CCSER2: variants seen among roughly 807,000 people sequenced by gnomAD.
The protein encoded by CCSER2 is coiled-coil serine rich protein 2.
CCSER2 carries 46 observed loss-of-function variants against 92.3 expected under a neutral mutation model. That is an observed-to-expected ratio of 0.50 (90% CI 0.39 to 0.64). CCSER2 has a LOEUF of 0.64. Among genes scored for constraint, CCSER2 ranks in the 30% least tolerant of loss-of-function variants. CCSER2 has a pLI of 0.00. For missense variants in CCSER2, 1,244 were observed against 1,238.9 expected (o/e 1.00, Z -0.06); for synonymous variants, 433 against 431.4 (o/e 1.00, Z -0.04).
intron 8 of CCSER2, among the ~76,000 whole-genome samples, chr10:84,474,608 C>G (rs1052765358): frequency 6.8e-6 from 1 of 146,796 alleles, no homozygotes; most frequent in Non-Finnish European, 1.5e-5. Context: ...TTGCAGTGAG[C>G]CAAGATCGCG....
At chr10:84,495,029 C>A (rs1371525591) in intron 9 of CCSER2, among the ~76,000 whole-genome samples, 3 of 138,558 alleles carry the variant, frequency 2.2e-5, no homozygotes, top group Non-Finnish European at 3.1e-5. Context: ...GTCTTATTTT[C>A]TCTAGTTTCT....
chr10:84,411,988 T>C (rs1842674344), intron 3 of CCSER2, among the ~76,000 whole-genome samples: 1 of 152,214 alleles, frequency 6.6e-6, no homozygotes, highest in South Asian at 2.1e-4. Context: ...GTTCCTTCAC[T>C]GCCTAGTTTA....
rs554270527 is a variant in CCSER2 at position 84,441,331 on chromosome 10, C to G, written c.2064+2624C>G. Among the ~76,000 whole-genome samples, 16 of 152,084 alleles carry G rather than the reference C, an allele frequency of 1.1e-4. No homozygotes were observed. In the South Asian group the frequency reaches 3.3e-3, roughly 32 times the overall value. On this transcript the variant is annotated intron_variant, in intron 6 of 9. Coordinates refer to ENST00000372088, the MANE Select transcript of CCSER2 (RefSeq NM_001284240.2). ...TCTTGGCAATCATATTTTCAATTTC[C>G]AAGAACTTTTGTGTGTACTATTCCT... is the stretch of plus-strand genomic sequence containing the variant.
At chr10:84,347,525 C>T (rs1354993438) in intron 1 of CCSER2, among the ~76,000 whole-genome samples, 6 of 150,490 alleles carry the variant, frequency 4.0e-5, no homozygotes, top group South Asian at 2.1e-4. Flanking sequence ...ACCTCCCTCC[C>T]GGACGGGGCG....
chr10:84,470,552 T>G (rs1224282575), intron 8 of CCSER2, 94 bp downstream of exon 8: 8 of 1,108,072 alleles, frequency 7.2e-6, no homozygotes, highest in Non-Finnish European at 9.4e-6. Context: ...TTAGCTTTAT[T>G]TTTGGCTCTC....
At chr10:84,447,804 T>C (rs1340840001) in intron 6 of CCSER2, among the ~76,000 whole-genome samples, 1 of 152,074 alleles carries the variant, frequency 6.6e-6, no homozygotes, top group Admixed American at 6.6e-5. Flanking sequence ...AAGAGTTCGT[T>C]TCTTTTGTTT....
intron 3 of CCSER2, chr10:84,391,085 T>TG (rs1841492525): frequency 1.3e-6 from 1 of 779,952 alleles, no homozygotes; most frequent in Admixed American, 1.7e-5. Flanking sequence ...CAGATGCTAA[T>TG]GCCTCCACTG....
chr10:84,402,752 A>T (rs1345383267), intron 3 of CCSER2, among the ~76,000 whole-genome samples: 1 of 152,212 alleles, frequency 6.6e-6, no homozygotes, highest in Non-Finnish European at 1.5e-5. Context: ...GTCCATTCTC[A>T]CCACTCTTAT....
At chr10:84,490,172 A>G (rs578164061) in intron 9 of CCSER2, among the ~76,000 whole-genome samples, 31 of 151,822 alleles carry the variant, frequency 2.0e-4, no homozygotes, top group African/African-American at 7.5e-4. Context: ...TGCCCTTAAC[A>G]TTTTTTCCTT....
chr10:84,366,206 A>T (rs747161424), intron 1 of CCSER2, among the ~76,000 whole-genome samples: 1 of 152,022 alleles, frequency 6.6e-6, no homozygotes, highest in Non-Finnish European at 1.5e-5. Context: ...AGCTTCCCAA[A>T]CTGTTGAGAT....
At position 84,458,255 on chromosome 10, in the gene CCSER2, C is replaced by T. The variant is rs553092858; in HGVS notation, c.2065-5678C>T. Among the ~76,000 whole-genome samples the T allele has an allele frequency of 3.9e-5, 6 of 152,206 alleles. No homozygotes were observed. The South Asian group carries it at 1.0e-3, about 26-fold the overall frequency. On this transcript the variant is annotated intron_variant, in intron 6 of 9. Coordinates refer to ENST00000372088, the MANE Select transcript of CCSER2 (RefSeq NM_001284240.2). Reference sequence around the variant, plus strand: ...TTATGGGCCAAGATTATTTTTATCACGTGTATGTTCAGTTGTTCTAGCACC... The same window carrying T: ...TTATGGGCCAAGATTATTTTTATCATGTGTATGTTCAGTTGTTCTAGCACC...
At chr10:84,346,072 A>AT (rs1223609753) in intron 1 of CCSER2, among the ~76,000 whole-genome samples, 3 of 152,204 alleles carry the variant, frequency 2.0e-5, no homozygotes, top group East Asian at 3.9e-4. Context: ...GTATTAGAAT[A>AT]ATCTTTTTTG....
intron 1 of CCSER2, among the ~76,000 whole-genome samples, chr10:84,347,756 C>T (rs1049372670): frequency 4.7e-4 from 71 of 149,696 alleles, no homozygotes; most frequent in African/African-American, 1.4e-3. Flanking sequence ...GGCTGCCGGG[C>T]GGAGGGGCTC....
At chr10:84,469,848 C>T (rs983280865) in intron 7 of CCSER2, among the ~76,000 whole-genome samples, 4 of 152,000 alleles carry the variant, frequency 2.6e-5, no homozygotes, top group African/African-American at 4.8e-5. Context: ...TTCCTTGTTA[C>T]CCTTCAGGCA....
chr10:84,371,080 T>C lies in CCSER2; in HGVS notation c.28T>C (p.Phe10Leu). ...GGAAGAAAAAACACAAATCAAGACA[T>C]TTTTGGGTTCCAAGTTGCCAAAGTA... MEEKTQIKT[F>L]LGSKLPKYGT... Residue 10 changes from phenylalanine to leucine, a missense_variant, in exon 2 of 10, where the codon TTT becomes CTT. By Grantham distance (22) the Phe-to-Leu change is conservative (BLOSUM62 0). Coordinates refer to ENST00000372088, the MANE Select transcript of CCSER2 (RefSeq NM_001284240.2). The C allele has an allele frequency of 1.3e-6, 2 of 1,595,644 alleles. No individual in the cohort carries two copies. The highest frequency in any genetic ancestry group is 1.1e-5 in the South Asian group (1 of 87,446).
chr10:84,388,341 C>G lies in CCSER2; in HGVS notation c.1614+14526C>G, dbSNP rs113799301. Among the ~76,000 whole-genome samples the G allele has an allele frequency of 2.5e-3, 382 of 152,198 alleles. 1 individual carries two copies. The highest frequency in any genetic ancestry group is 8.5e-3 in the African/African-American group (351 of 41,524). ...AGGTTATTTCATGGCTGGACTTTGC[C>G]TTGTTTACATTTGTCCTTTCACTGT... On this transcript the variant is annotated intron_variant, in intron 3 of 9. Transcript: ENST00000372088.
At chr10:84,372,872 A>G (rs1169100259) in intron 2 of CCSER2, among the ~76,000 whole-genome samples, 1 of 152,146 alleles carries the variant, frequency 6.6e-6, no homozygotes, top group Non-Finnish European at 1.5e-5. Flanking sequence ...GTACAATGAG[A>G]TAATATAGGT....
At chr10:84,396,660 G>C (rs1841858420) in intron 3 of CCSER2, among the ~76,000 whole-genome samples, 1 of 151,868 alleles carries the variant, frequency 6.6e-6, no homozygotes. Flanking sequence ...ACCTATGTAT[G>C]TATTTGTTTG....
At position 84,399,043 on chromosome 10, in the gene CCSER2, A is replaced by T. The variant is rs760110817; in HGVS notation, c.1615-18728A>T. 2.0e-5 allele frequency among the ~76,000 whole-genome samples: 3 copies of T among 152,178 alleles called. No individual in the cohort carries two copies. The East Asian group carries it at 5.8e-4, about 29-fold the overall frequency. On this transcript the variant is annotated intron_variant, in intron 3 of 9. Coordinates refer to ENST00000372088, the MANE Select transcript of CCSER2 (RefSeq NM_001284240.2). The stretch of plus-strand genomic sequence containing the variant: ...TTTCCAGAAAGATTTTTTAAATTTA[A>T]TTTTTATATATTTTGGGAATACAGA...
Sources: gnomAD v4.1 joint callset for allele counts (sites outside exome capture counted in the v4.1 genomes callset) on GRCh38, gnomAD v4.1.1 for gene constraint, MANE v1.5 for transcripts, NCBI Gene and HGNC (gene_info 2026-07-23, HGNC 2026-07-21) for gene names.